The following DOCK2 variants were observed in gnomAD, a reference collection of about 807,000 sequenced individuals.
The protein encoded by DOCK2 is dedicator of cytokinesis 2.
DOCK2 carries 87 observed loss-of-function variants against 248.9 expected under a neutral mutation model. That is an observed-to-expected ratio of 0.35 (90% CI 0.29 to 0.42). The LOEUF (loss-of-function observed/expected upper bound fraction) is 0.42. DOCK2 is among the 10% of genes least tolerant of loss of function. The pLI is 1.00. For synonymous variants in DOCK2, 805 were observed against 821.6 expected (o/e 0.98, Z 0.35); for missense variants, 1,747 against 2,300.2 (o/e 0.76, Z 4.92).
intron 25 of DOCK2, among the ~76,000 whole-genome samples, chr5:169,781,888 A>C (rs1207318153): frequency 2.0e-5 from 3 of 152,088 alleles, no homozygotes; most frequent in African/African-American, 4.8e-5. Flanking sequence ...TTTGCTTTTC[A>C]TCAGGCTCAT....
intron 8 of DOCK2, among the ~76,000 whole-genome samples, chr5:169,688,884 C>G (rs1760133871): frequency 6.6e-6 from 1 of 152,138 alleles, no homozygotes; most frequent in Admixed American, 6.5e-5. Flanking sequence ...TAAATATATT[C>G]TTAATGTCCA....
chr5:169,780,872 A>G (rs1304353845), intron 25 of DOCK2, among the ~76,000 whole-genome samples: 1 of 152,268 alleles, frequency 6.6e-6, no homozygotes, highest in African/African-American at 2.4e-5. Context: ...TTCCTAACTT[A>G]AAATATCACC....
chr5:169,979,726 C>T (rs879328104), intron 27 of DOCK2, among the ~76,000 whole-genome samples: 2 of 152,158 alleles, frequency 1.3e-5, no homozygotes, highest in Non-Finnish European at 2.9e-5. Context: ...CACTACAAAT[C>T]GTACCAAAAG....
chr5:169,652,483 G>A (rs1757861555), intron 1 of DOCK2, among the ~76,000 whole-genome samples: 1 of 152,242 alleles, frequency 6.6e-6, no homozygotes, highest in South Asian at 2.1e-4. Context: ...CAAAAGGGAG[G>A]TTAGGGATAT....
At position 169,994,626 on chromosome 5, in the gene DOCK2, A is replaced by G. The variant is rs758214971; in HGVS notation, c.2994-1460A>G. ...CCATGAAGGATAATGACCATGAAGA[A>G]TCCTGACTTTCAGAGATGAGAAGGC... On this transcript the variant is annotated intron_variant, in intron 29 of 51. Transcript: ENST00000520908. 4.6e-5 allele frequency among the ~76,000 whole-genome samples: 7 copies of G among 152,340 alleles called. No individual in the cohort carries two copies. In the South Asian group the frequency reaches 6.2e-4, roughly 14 times the overall value.
chr5:169,677,039 G>A (rs866586558), intron 6 of DOCK2, among the ~76,000 whole-genome samples: 1 of 152,260 alleles, frequency 6.6e-6, no homozygotes, highest in East Asian at 1.9e-4. Context: ...TGTTTCTCAG[G>A]TGAGGAAAGT....
chr5:169,780,478 T>G (rs1451036317), intron 25 of DOCK2, among the ~76,000 whole-genome samples: 1 of 152,194 alleles, frequency 6.6e-6, no homozygotes, highest in Non-Finnish European at 1.5e-5. Context: ...GGTTGACGGT[T>G]TCCTCCCTGT....
chr5:169,759,682 T>C lies in DOCK2; in HGVS notation c.2377-23T>C, dbSNP rs376426393. The C allele has an allele frequency of 7.9e-5, 128 of 1,613,530 alleles. 1 individual carries two copies. The highest frequency in any genetic ancestry group is 5.7e-4 in the South Asian group (52 of 91,078). ...GACTTGTTGATGTGAGGATCACTTA[T>C]ATGTATTTTACATTCCACCTAGGTG... On this transcript the variant is annotated intron_variant, in intron 23 of 51. Transcript: ENST00000520908.
At chr5:169,864,494 T>C (rs2113422259) in intron 27 of DOCK2, 1 of 1,461,144 alleles carries the variant, frequency 6.8e-7, no homozygotes, top group East Asian at 2.5e-5. Flanking sequence ...GGAAAGTGAA[T>C]TCGAATCAGC....
At chr5:169,730,525 G>T (rs955438879) in intron 22 of DOCK2, among the ~76,000 whole-genome samples, 1 of 152,172 alleles carries the variant, frequency 6.6e-6, no homozygotes, top group African/African-American at 2.4e-5. Flanking sequence ...AAAAACGCTT[G>T]TATGGCAGGT....
intron 40 of DOCK2, among the ~76,000 whole-genome samples, 192 bp downstream of exon 40, chr5:170,047,806 G>GT (rs1454541553): frequency 6.6e-6 from 1 of 152,130 alleles, no homozygotes; most frequent in Non-Finnish European, 1.5e-5. Flanking sequence ...CATCTACTGT[G>GT]TTTCTCTAAC....
chr5:169,921,232 C>T (rs185007157), intron 27 of DOCK2, among the ~76,000 whole-genome samples: 61 of 152,312 alleles, frequency 4.0e-4, no homozygotes, highest in Middle Eastern at 3.4e-3. Context: ...AGTCCGTATT[C>T]CTCCTGATGT....
intron 47 of DOCK2, 86 bp from the exon 48 acceptor site, chr5:170,077,624 G>A: frequency 6.3e-7 from 1 of 1,576,144 alleles, no homozygotes; most frequent in Non-Finnish European, 8.6e-7. Context: ...ACTCTGCCCT[G>A]CCTAGGTGGA....
At chr5:169,967,398 T>C (rs1777341904) in intron 27 of DOCK2, among the ~76,000 whole-genome samples, 1 of 152,182 alleles carries the variant, frequency 6.6e-6, no homozygotes, top group African/African-American at 2.4e-5. Flanking sequence ...CAACAGCATG[T>C]GGTCAGGCTG....
At chr5:169,815,488 GC>G (rs1420078470) in intron 26 of DOCK2, among the ~76,000 whole-genome samples, 1 of 152,042 alleles carries the variant, frequency 6.6e-6, no homozygotes, top group Non-Finnish European at 1.5e-5. Context: ...CTTCTTCACT[GC>G]CTCTCAGAGC....
At chr5:169,649,929 G>A (rs560145282) in intron 1 of DOCK2, among the ~76,000 whole-genome samples, 4 of 151,700 alleles carry the variant, frequency 2.6e-5, no homozygotes, top group South Asian at 4.2e-4. Flanking sequence ...TCAGTCCCCC[G>A]AGTAGCTGGG....
At chr5:170,020,283 A>G (rs922487116) in intron 33 of DOCK2, among the ~76,000 whole-genome samples, 1 of 151,482 alleles carries the variant, frequency 6.6e-6, no homozygotes, top group Non-Finnish European at 1.5e-5. Context: ...GCCTCTCAAC[A>G]CCTTCTAAAC....
chr5:169,924,950 AGTCTTCCTGGGG>A (rs1378836516), intron 27 of DOCK2, among the ~76,000 whole-genome samples: 1 of 152,194 alleles, frequency 6.6e-6, no homozygotes, highest in Non-Finnish European at 1.5e-5. Context: ...TGCTTCTCCC[AGTCTTCCTGGGG>A]ATGTTCCAAT....
Position 170,047,730 on chromosome 5 carries a change from G to C in DOCK2, c.4071+116G>C, listed in dbSNP as rs1048598658. 3.4e-5 allele frequency: 30 copies of C among 881,174 alleles called. No homozygotes were observed. In the Admixed American group the frequency reaches 7.9e-4, roughly 23 times the overall value. 54.6% of individuals were successfully genotyped at this position (881,174 alleles called of 1,614,324 possible). On this transcript the variant is annotated intron_variant, in intron 40 of 51. Transcript: ENST00000520908. Reference sequence around the variant, plus strand: ...TCAGAAGCGGTGCTCTTCTCTGTCTGAGTGCTGCCCCCATCCCCAGGAGAC... The same window carrying C: ...TCAGAAGCGGTGCTCTTCTCTGTCTCAGTGCTGCCCCCATCCCCAGGAGAC...
Sources: gnomAD v4.1 joint callset for allele counts (sites outside exome capture counted in the v4.1 genomes callset) on GRCh38, gnomAD v4.1.1 for gene constraint, MANE v1.5 for transcripts, NCBI Gene and HGNC (gene_info 2026-07-23, HGNC 2026-07-21) for gene names.